Variants in ATG7 observed in about 807,000 individuals in gnomAD.
ATG7 encodes ubiquitin-like modifier-activating enzyme ATG7.
ATG7 carries 70 observed loss-of-function variants against 82.4 expected under a neutral mutation model. The ratio of observed to expected loss-of-function variants is 0.85; its 90% confidence interval spans 0.70 to 1.04. The LOEUF (loss-of-function observed/expected upper bound fraction) is 1.04, where lower values mean the gene tolerates loss of function less well. Ranked by LOEUF, ATG7 falls within the 50% of genes least tolerant of loss-of-function variation. The pLI, the probability that ATG7 is intolerant of heterozygous loss-of-function variation, is 0.00. For missense variants in ATG7, 792 were observed against 864.3 expected (o/e 0.92, Z 1.05); for synonymous variants, 287 against 313.0 (o/e 0.92, Z 0.88).
In ATG7 at chr3:11,362,905, A is replaced by G; in HGVS notation, c.1776A>G (p.Val592=). The part of the protein sequence containing the change: ...IAGALAVELM[V]SVLQHPEGGY... ...GAGCCCTGGCCGTGGAATTGATGGT[A>G]TCTGTTTTGCAGCATCCAGAAGGGT... The change falls in exon 17 of 21, where the codon GTA becomes GTG. Residue 592 remains valine, a synonymous_variant. Coordinates refer to ENST00000693202, the MANE Select transcript of ATG7 (RefSeq NM_001349232.2). 1 of 1,613,980 alleles carries G rather than the reference A, an allele frequency of 6.2e-7. No individual in the cohort carries two copies. Among genetic ancestry groups the G allele is most frequent in the Non-Finnish European group, 8.5e-7 (1 of 1,179,934 alleles).
intron 7 of ATG7, among the ~76,000 whole-genome samples, chr3:11,312,418 G>A (rs1055494656): frequency 6.6e-6 from 1 of 152,216 alleles, no homozygotes; most frequent in Non-Finnish European, 1.5e-5. Context: ...GTCAAAGACA[G>A]CCTCACAAAT....
intron 20 of ATG7, among the ~76,000 whole-genome samples, chr3:11,515,105 C>T (rs1385670145): frequency 6.6e-6 from 1 of 152,164 alleles, no homozygotes; most frequent in Non-Finnish European, 1.5e-5. Flanking sequence ...TACCAAAGTG[C>T]TGGGATTACA....
At chr3:11,295,339 CTTG>C (rs1278454065) in intron 3 of ATG7, among the ~76,000 whole-genome samples, 9 of 152,160 alleles carry the variant, frequency 5.9e-5, no homozygotes, top group African/African-American at 1.7e-4. Context: ...TTTTTAAGAC[CTTG>C]TTGTGAGTCT....
At chr3:11,454,135 A>G (rs1375639003) in intron 20 of ATG7, among the ~76,000 whole-genome samples, 1 of 152,186 alleles carries the variant, frequency 6.6e-6, no homozygotes, top group Non-Finnish European at 1.5e-5. Flanking sequence ...TTTAAGATAG[A>G]AACTAGACTG....
At chr3:11,568,109 C>T in the ATG7 span, among the ~76,000 whole-genome samples, 1 of 152,202 alleles carries the variant, frequency 6.6e-6, no homozygotes, top group East Asian at 1.9e-4. The surrounding 1 kb of genome is among the most constrained non-coding windows in gnomAD (Gnocchi z 5.9). Flanking sequence ...GGCTGCAGCT[C>T]CCAAGTGACA....
intron 20 of ATG7, among the ~76,000 whole-genome samples, chr3:11,522,525 C>T (rs1372762830): frequency 6.6e-6 from 1 of 152,098 alleles, no homozygotes; most frequent in East Asian, 1.9e-4. Flanking sequence ...CTGAGTTAGT[C>T]ACCAGGACTT....
intron 20 of ATG7, among the ~76,000 whole-genome samples, chr3:11,550,578 T>C (rs1342160569): frequency 6.6e-6 from 1 of 152,112 alleles, no homozygotes; most frequent in Non-Finnish European, 1.5e-5. Context: ...AAAAAATTAT[T>C]GTAGAGAAAG....
chr3:11,286,163 G>A (rs964537028), intron 3 of ATG7, among the ~76,000 whole-genome samples: 1 of 152,168 alleles, frequency 6.6e-6, no homozygotes, highest in South Asian at 2.1e-4. Context: ...TGTTTGTCAC[G>A]TTGCTGCTGG....
chr3:11,300,383 T>C (rs551014905), intron 5 of ATG7, among the ~76,000 whole-genome samples: 4 of 152,206 alleles, frequency 2.6e-5, no homozygotes, highest in Admixed American at 6.5e-5. Flanking sequence ...TGGCCAAATT[T>C]AGAAAGCAGG....
At chr3:11,546,691 A>G (rs1406297282) in intron 20 of ATG7, among the ~76,000 whole-genome samples, 2 of 152,336 alleles carry the variant, frequency 1.3e-5, no homozygotes, top group East Asian at 3.9e-4. Context: ...TTAAACCTCA[A>G]GGCCCTTTGG....
chr3:11,573,259 GAAAGAAAGAA>G, the ATG7 span, among the ~76,000 whole-genome samples: 1 of 10,760 alleles, frequency 9.3e-5, no homozygotes, highest in Non-Finnish European at 1.4e-4. Flanking sequence ...AAGAAAGAAA[GAAAGAAAGAA>G]AGAAAGAAAG....
chr3:11,397,971 C>T (rs113400615), intron 19 of ATG7, among the ~76,000 whole-genome samples: 12,705 of 150,886 alleles, frequency 0.084, 1,665 homozygotes, highest in African/African-American at 0.28. Flanking sequence ...GTAGTCCCAG[C>T]TACTTGGGAG....
intron 20 of ATG7, among the ~76,000 whole-genome samples, chr3:11,470,819 G>A (rs1473695165): frequency 6.6e-6 from 1 of 152,180 alleles, no homozygotes; most frequent in African/African-American, 2.4e-5. Context: ...GAGAACACTT[G>A]GGAGGAGCTC....
At chr3:11,564,091 C>G in the ATG7 span, among the ~76,000 whole-genome samples, 1 of 152,212 alleles carries the variant, frequency 6.6e-6, no homozygotes. Context: ...CCTATTAGGT[C>G]GCAGTCCCTG....
rs533701067 is a variant in ATG7, at chr3:11,476,808, T to A, written c.2079+49882T>A. 5.3e-5 allele frequency among the ~76,000 whole-genome samples: 8 copies of A among 152,364 alleles called. No homozygotes were observed. The South Asian group carries it at 8.3e-4, about 16-fold the overall frequency. On this transcript the variant is annotated intron_variant, in intron 20 of 20. Coordinates refer to ENST00000693202, the MANE Select transcript of ATG7 (RefSeq NM_001349232.2). ...TGGAGCTTTTTTCTGAAAGAACATT[T>A]ATGTTAACTTTCTTTTATGCATGTA...
At chr3:11,326,951 A>G (rs1037329542) in intron 9 of ATG7, among the ~76,000 whole-genome samples, 5 of 152,196 alleles carry the variant, frequency 3.3e-5, no homozygotes, top group African/African-American at 1.2e-4. Flanking sequence ...GGAAAGAAGG[A>G]AGGAAAAGGA....
chr3:11,324,521 G>A (rs968590921), intron 9 of ATG7, among the ~76,000 whole-genome samples: 1 of 152,118 alleles, frequency 6.6e-6, no homozygotes, highest in African/African-American at 2.4e-5. Context: ...CCATTTTCAA[G>A]CTGACCTGCT....
At chr3:11,543,715 C>T (rs927021057) in intron 20 of ATG7, among the ~76,000 whole-genome samples, 2 of 152,212 alleles carry the variant, frequency 1.3e-5, no homozygotes, top group Non-Finnish European at 2.9e-5. Flanking sequence ...GCCTGGCCAA[C>T]ATGGTGAAAC....
At chr3:11,324,850 CT>C (rs1950642412) in intron 9 of ATG7, among the ~76,000 whole-genome samples, 1 of 152,120 alleles carries the variant, frequency 6.6e-6, no homozygotes, top group Admixed American at 6.5e-5. Flanking sequence ...TTATCCCTTT[CT>C]TTTCTTTGCC....
Sources: gnomAD v4.1 joint callset for allele counts (sites outside exome capture counted in the v4.1 genomes callset) on GRCh38, gnomAD v4.1.1 for gene constraint, Gnocchi (gnomAD v3.1) non-coding constraint, MANE v1.5 for transcripts, NCBI Gene and HGNC (gene_info 2026-07-23, HGNC 2026-07-21) for gene names.